Variants in CKAP2L observed in about 807,000 individuals in gnomAD.
The protein encoded by CKAP2L is cytoskeleton associated protein 2L.
A neutral mutation model predicts 65.7 loss-of-function variants in CKAP2L; 42 were observed. The ratio of observed to expected loss-of-function variants is 0.64; its 90% CI spans 0.50 to 0.83. CKAP2L has a LOEUF of 0.83. Ranked by LOEUF, CKAP2L falls within the 40% of genes least tolerant of loss-of-function variation. The pLI, the probability that CKAP2L is intolerant of heterozygous loss-of-function variation, is 0.00. For missense variants in CKAP2L, 908 were observed against 871.0 expected (o/e 1.04, Z -0.53); for synonymous variants, 325 against 313.5 (o/e 1.04, Z -0.39).
Position 112,737,294 on chromosome 2 carries a change from G to A in CKAP2L, c.*1529C>T, listed in dbSNP as rs1679337753. On this transcript the variant is annotated 3_prime_UTR_variant, in exon 9 of 9. Transcript: ENST00000302450. ...ACAGTTCTATTTTTAATTTCTTTAG[G>A]AGCCTCCATACCGTTTTCCATAACG... The A allele has an allele frequency of 6.6e-6, 1 of 151,956 alleles. No homozygotes were observed. Among genetic ancestry groups the A allele is most frequent in the Non-Finnish European group, 1.5e-5 (1 of 68,012 alleles). 9.4% of individuals were successfully genotyped at this position (151,956 alleles called of 1,614,324 possible).
At chr2:112,762,763 A>G (rs1680765107) in intron 1 of CKAP2L, among the ~76,000 whole-genome samples, 194 bp from the exon 2 acceptor site, 1 of 151,650 alleles carries the variant, frequency 6.6e-6, no homozygotes, top group Admixed American at 6.6e-5. Flanking sequence ...CCAGGCCTAC[A>G]CTAAGTTCTT....
chr2:112,744,814 A>G (rs1680150640), intron 6 of CKAP2L, among the ~76,000 whole-genome samples: 1 of 152,182 alleles, frequency 6.6e-6, no homozygotes, highest in South Asian at 2.1e-4. Context: ...AGCCCCATCC[A>G]TGTGTCTCGG....
rs748728609 is a variant in CKAP2L at position 112,742,769 on chromosome 2, G to T, written c.1759C>A (p.Pro587Thr). 8 of 1,603,260 alleles carry T rather than the reference G, an allele frequency of 5.0e-6. No individual in the cohort carries two copies. Among genetic ancestry groups the T allele is most frequent in the Non-Finnish European group, 6.8e-6 (8 of 1,174,670 alleles). ...ACAACTTTCCGCAACTCTTGTATTG[G>T]CTGGAAGGAAGGAAGAAAACATACA... ...YEEAIKNGAT[P>T]IQELRKVVLN... Residue 587 changes from proline to threonine, a missense_variant and splice_region_variant, in exon 7 of 9, where the codon CCA (proline) becomes ACA (threonine). Coordinates refer to ENST00000302450, the MANE Select transcript of CKAP2L (RefSeq NM_152515.5).
At position 112,756,634 on chromosome 2, in the gene CKAP2L, A is replaced by G. The variant is rs745490560; in HGVS notation, c.737T>C (p.Val246Ala). 4 of 1,610,558 alleles carry G rather than the reference A, an allele frequency of 2.5e-6. No homozygotes were observed. The South Asian group carries it at 3.3e-5, about 13-fold the overall frequency. ...GAAAGTCCTGCTTTGTGTTTCTCCAACAAATTGTTTATTAACCCTATCTTT... is the reference window on the plus strand; with the variant it reads ...GAAAGTCCTGCTTTGTGTTTCTCCAGCAAATTGTTTATTAACCCTATCTTT... ...VLKDRVNKQFVGETQSRTFPV... is the reference protein window; with the variant it reads ...VLKDRVNKQFAGETQSRTFPV... The change falls in exon 4 of 9, where the codon GTT (valine) becomes GCT (alanine). Residue 246 changes from valine (V) to alanine (A), a missense_variant. Transcript: ENST00000302450.
intron 3 of CKAP2L, among the ~76,000 whole-genome samples, chr2:112,758,781 C>T (rs1008176043): frequency 1.3e-5 from 2 of 152,062 alleles, no homozygotes; most frequent in Admixed American, 6.6e-5. Flanking sequence ...TAAGTGCACA[C>T]TTCTGTGGAT....
Position 112,752,419 on chromosome 2 carries a change from T to G in CKAP2L, c.1450A>C (p.Met484Leu). 1 of 1,612,710 alleles carries G rather than the reference T, an allele frequency of 6.2e-7. No homozygotes were observed. Among genetic ancestry groups the G allele is most frequent in the Non-Finnish European group, 8.5e-7 (1 of 1,178,968 alleles). Residue 484 changes from methionine (M) to leucine (L), a missense_variant, in exon 5 of 9, where the codon ATG (methionine) becomes CTG (leucine). Coordinates refer to ENST00000302450, the MANE Select transcript of CKAP2L (RefSeq NM_152515.5). ...ACTTTTCTTTTTGTTTTAAGTTCCA[T>G]AGGAGGCCGTTTATAGGTTTTTCCC... ...SKGKTYKRPPMELKTKRKVIK... is the reference protein window; with the variant it reads ...SKGKTYKRPPLELKTKRKVIK...
chr2:112,752,620 A>T, intron 4 of CKAP2L, 146 bp from the exon 5 acceptor site: 1 of 631,702 alleles, frequency 1.6e-6, no homozygotes, highest in Non-Finnish European at 2.7e-6. Context: ...AACAATTTAC[A>T]AATGGGTAAT....
Position 112,740,923 on chromosome 2 carries a change from C to T in CKAP2L, c.1907G>A (p.Cys636Tyr), listed in dbSNP as rs1209563356. The T allele has an allele frequency of 6.2e-7, 1 of 1,613,876 alleles. No individual in the cohort carries two copies. Among genetic ancestry groups the T allele is most frequent in the Non-Finnish European group, 8.5e-7 (1 of 1,179,922 alleles). The change falls in exon 8 of 9, where the codon TGT (cysteine) becomes TAT (tyrosine). Residue 636 changes from cysteine (C) to tyrosine (Y), a missense_variant. By Grantham distance (194) the Cys-to-Tyr change is radical. Coordinates refer to ENST00000302450, the MANE Select transcript of CKAP2L (RefSeq NM_152515.5). ...LAKKMESVKS[C>Y]LSPKEREQVT... ...TTGTTCCCTCTCTTTTGGAGAAAGA[C>T]AAGACTTCACAGATTCCATCTTCTT...
At chr2:112,739,170 A>G (rs890610086) in intron 8 of CKAP2L, 122 bp from the exon 9 acceptor site, 11 of 770,338 alleles carry the variant, frequency 1.4e-5, no homozygotes, top group Non-Finnish European at 1.9e-5. Context: ...GATACAAGAG[A>G]TATGTCTAGA....
chr2:112,742,954 A>C, intron 6 of CKAP2L, 185 bp from the exon 7 acceptor site: 1 of 561,832 alleles, frequency 1.8e-6, no homozygotes, highest in Non-Finnish European at 3.1e-6. Flanking sequence ...GAACAGAGAA[A>C]ATTCTGATTA....
intron 4 of CKAP2L, among the ~76,000 whole-genome samples, chr2:112,754,747 T>A (rs1361611911): frequency 6.6e-6 from 1 of 152,224 alleles, no homozygotes; most frequent in Non-Finnish European, 1.5e-5. Flanking sequence ...CACAGTCTTA[T>A]GACCAATCCT....
chr2:112,742,927 T>C (rs1680065669), intron 6 of CKAP2L, 158 bp from the exon 7 acceptor site: 1 of 585,334 alleles, frequency 1.7e-6, no homozygotes, highest in African/African-American at 1.9e-5. Flanking sequence ...TTTTATAGCT[T>C]CATGAGAAAA....
chr2:112,754,162 A>T (rs1222581286), intron 4 of CKAP2L, among the ~76,000 whole-genome samples: 19 of 152,202 alleles, frequency 1.2e-4, no homozygotes, highest in Admixed American at 1.2e-3. Context: ...CAACACTATC[A>T]CTAATTCCCT....
In CKAP2L at chr2:112,756,812, T is replaced by A; in HGVS notation, c.559A>T (p.Asn187Tyr). ...GGTTCTGTTAAGATATCGAGCAAGT[T>A]CTCTTTGTTTGTTTCTTTTAGAAAG... is the stretch of plus-strand genomic sequence containing the variant. Reference protein sequence around the residue: ...DNFLKETNKENLLDILTEPER... With the variant: ...DNFLKETNKEYLLDILTEPER... Residue 187 changes from asparagine (N) to tyrosine (Y), a missense_variant, in exon 4 of 9, where the codon AAC (asparagine) becomes TAC (tyrosine). Physicochemically the swap from Asn to Tyr is moderately radical, Grantham distance 143. Transcript: ENST00000302450. 6.2e-7 allele frequency: 1 copy of A among 1,602,336 alleles called. No individual in the cohort carries two copies. The highest frequency in any genetic ancestry group is 1.4e-5 in the African/African-American group (1 of 73,970).
rs1471551994 is a variant in CKAP2L at position 112,750,990 on chromosome 2, G to GA, written c.1602+1276dup. 4.6e-5 allele frequency among the ~76,000 whole-genome samples: 7 copies of GA among 152,096 alleles called. No homozygotes were observed. The East Asian group carries it at 1.4e-3, about 29-fold the overall frequency. On this transcript the variant is annotated intron_variant, in intron 5 of 8. Coordinates refer to ENST00000302450, the MANE Select transcript of CKAP2L (RefSeq NM_152515.5). ...ACCTGAGATCTTTTAAAAAGATTGAGAAAAAATCCCTTTAAAAAGTCACAA... is the reference window on the plus strand; with the variant it reads ...ACCTGAGATCTTTTAAAAAGATTGAGAAAAAAATCCCTTTAAAAAGTCACAA...
chr2:112,763,875 G>C (rs1440818263), intron 1 of CKAP2L: 3 of 152,218 alleles, frequency 2.0e-5, no homozygotes, highest in Admixed American at 6.5e-5. Context: ...CCTATAAGGC[G>C]GACAGAAATG....
intron 5 of CKAP2L, among the ~76,000 whole-genome samples, chr2:112,747,653 T>C (rs1285809702): frequency 6.6e-6 from 1 of 152,186 alleles, no homozygotes; most frequent in Non-Finnish European, 1.5e-5. Context: ...AGCACTACCA[T>C]GCCCAGAAAT....
chr2:112,743,484 C>G (rs1467191216), intron 6 of CKAP2L, among the ~76,000 whole-genome samples: 1 of 152,098 alleles, frequency 6.6e-6, no homozygotes. Flanking sequence ...GTCACCCAAG[C>G]TGGAGTGCAA....
chr2:112,750,802 AAAAG>A (rs58460553), intron 5 of CKAP2L, among the ~76,000 whole-genome samples: 1,822 of 152,186 alleles, frequency 0.012, 34 homozygotes, highest in African/African-American at 0.042. Flanking sequence ...AAAAAAAAAA[AAAAG>A]AAAGACTCAC....
Sources: allele counts gnomAD v4.1 joint callset (sites outside exome capture counted in the v4.1 genomes callset), GRCh38; gene constraint gnomAD v4.1.1; transcripts MANE v1.5; gene names NCBI Gene and HGNC (gene_info 2026-07-23, HGNC 2026-07-21).